ASB15: variants seen among roughly 807,000 people sequenced by gnomAD.
ASB15 encodes ankyrin repeat and SOCS box containing 15, also known as ankyrin repeat and SOCS box protein 15.
Under a neutral mutation model 58.0 loss-of-function variants are expected in ASB15, and 54 were observed. That is an observed-to-expected ratio of 0.93 (90% CI 0.75 to 1.17). The LOEUF (loss-of-function observed/expected upper bound fraction) is 1.17, where lower values mean the gene tolerates loss of function less well. Ranked by LOEUF, ASB15 falls within the 50% of genes most tolerant of loss-of-function variation. The pLI is 0.00. For missense variants in ASB15, 680 were observed against 707.4 expected (o/e 0.96, Z 0.44); for synonymous variants, 249 against 262.4 (o/e 0.95, Z 0.50).
rs761709402 is a variant in ASB15, at chr7:123,636,937, T to C, written c.1723T>C (p.Phe575Leu). Reference sequence around the variant, plus strand: ...ACCAGCTATTCAAAGATACATATTATTTAAAGAGTATGATCTCTATGGACA... The same window carrying C: ...ACCAGCTATTCAAAGATACATATTACTTAAAGAGTATGATCTCTATGGACA... ...LPPAIQRYIL[F>L]KEYDLYGQEL... The change falls in exon 12 of 12, where the codon TTT becomes CTT. Residue 575 changes from phenylalanine (F) to leucine (L), a missense_variant. Physicochemically the swap from Phe to Leu is conservative, Grantham distance 22 (BLOSUM62 0). Transcript: ENST00000451215. 40 of 1,582,658 alleles carry C rather than the reference T, an allele frequency of 2.5e-5. No individual in the cohort carries two copies. The South Asian group carries it at 4.3e-4, about 17-fold the overall frequency.
chr7:123,627,321 T>A, intron 9 of ASB15, 40 bp downstream of exon 9: 6 of 1,531,208 alleles, frequency 3.9e-6, no homozygotes, highest in Non-Finnish European at 4.5e-6. Flanking sequence ...GAGTTAAAAA[T>A]GCTAATTTGT....
intron 1 of ASB15, among the ~76,000 whole-genome samples, chr7:123,569,214 G>T (rs975852226): frequency 6.6e-6 from 1 of 152,096 alleles, no homozygotes; most frequent in Admixed American, 6.5e-5. Flanking sequence ...AGAGACAGAC[G>T]TAAATGGCAA....
intron 1 of ASB15, among the ~76,000 whole-genome samples, chr7:123,584,050 T>C (rs1799308334): frequency 6.6e-6 from 1 of 151,944 alleles, no homozygotes; most frequent in African/African-American, 2.4e-5. Context: ...TATATGTGCA[T>C]GTACTGCTTT....
chr7:123,570,746 C>T (rs920728139), intron 1 of ASB15, among the ~76,000 whole-genome samples: 1 of 152,206 alleles, frequency 6.6e-6, no homozygotes, highest in Non-Finnish European at 1.5e-5. Flanking sequence ...CTGTTCCTAA[C>T]TTGGGTCAAG....
chr7:123,613,424 T>G (rs1017181917), intron 3 of ASB15, among the ~76,000 whole-genome samples: 1 of 152,228 alleles, frequency 6.6e-6, no homozygotes, highest in Admixed American at 6.5e-5. Context: ...GAAATTTTAT[T>G]TCTATATTTA....
At chr7:123,620,084 AC>A (rs1801138125) in intron 7 of ASB15, 1 of 152,084 alleles carries the variant, frequency 6.6e-6, no homozygotes, top group African/African-American at 2.4e-5. Flanking sequence ...GTTGCTCCCA[AC>A]GTCGCCATTT....
Position 123,628,983 on chromosome 7 carries a change from A to G in ASB15, c.989A>G (p.Asn330Ser). 2 of 1,613,340 alleles carry G rather than the reference A, an allele frequency of 1.2e-6. No individual in the cohort carries two copies. Among genetic ancestry groups the G allele is most frequent in the Non-Finnish European group, 1.7e-6 (2 of 1,179,276 alleles). Reference sequence around the variant, plus strand: ...CAGTGTCTAGAACTGCTCATTGAAAATGGTTTTGATGTCAACACTCTACTT... The same window carrying G: ...CAGTGTCTAGAACTGCTCATTGAAAGTGGTTTTGATGTCAACACTCTACTT... ...NAQCLELLIE[N>S]GFDVNTLLAD... Residue 330 changes from asparagine (N) to serine (S), a missense_variant, in exon 10 of 12, where the codon AAT (asparagine) becomes AGT (serine). Physicochemically the swap from Asn to Ser is conservative, Grantham distance 46 (BLOSUM62 1). Coordinates refer to ENST00000451215, the MANE Select transcript of ASB15 (RefSeq NM_001290258.2).
chr7:123,582,666 CCTT>C (rs1433037432), intron 1 of ASB15, among the ~76,000 whole-genome samples: 4 of 151,868 alleles, frequency 2.6e-5, no homozygotes, highest in African/African-American at 9.7e-5. Flanking sequence ...CTCGAAAACT[CCTT>C]CTTATCCTTC....
chr7:123,628,506 G>C (rs970030671), intron 9 of ASB15, among the ~76,000 whole-genome samples: 2 of 152,120 alleles, frequency 1.3e-5, no homozygotes, highest in East Asian at 1.9e-4. Context: ...CATTAGAAAG[G>C]CTTACTTTTC....
chr7:123,622,678 T>C (rs193162033), intron 7 of ASB15: 5 of 152,300 alleles, frequency 3.3e-5, no homozygotes, highest in East Asian at 3.9e-4. Context: ...TTTCTAATTA[T>C]AAAAACTGCC....
intron 1 of ASB15, chr7:123,596,466 G>A (rs1799697400): frequency 6.6e-6 from 1 of 152,006 alleles, no homozygotes; most frequent in Admixed American, 6.6e-5. Flanking sequence ...AAAAAAATTA[G>A]CCAGATGTGG....
At chr7:123,603,770 G>C (rs1168491148) in intron 1 of ASB15, among the ~76,000 whole-genome samples, 2 of 152,106 alleles carry the variant, frequency 1.3e-5, no homozygotes, top group Non-Finnish European at 2.9e-5. Flanking sequence ...AGTCCAATAG[G>C]GTCCTGCATA....
intron 2 of ASB15, among the ~76,000 whole-genome samples, chr7:123,605,399 T>C (rs1186445564): frequency 6.6e-6 from 1 of 152,184 alleles, no homozygotes; most frequent in Admixed American, 6.5e-5. Flanking sequence ...CTGGTGGGAA[T>C]GTAACTTAGT....
chr7:123,610,284 A>G (rs1235746487), intron 3 of ASB15, among the ~76,000 whole-genome samples: 1 of 152,200 alleles, frequency 6.6e-6, no homozygotes, highest in African/African-American at 2.4e-5. Flanking sequence ...TTGAATCTAT[A>G]ATACCTACAA....
upstream of ASB15, among the ~76,000 whole-genome samples, chr7:123,601,425 T>C (rs1015714661): frequency 2.0e-5 from 3 of 152,198 alleles, no homozygotes; most frequent in Non-Finnish European, 4.4e-5. Flanking sequence ...GAAGATTGTA[T>C]TTAATGAAAT....
chr7:123,587,370 T>A (rs145033907), intron 1 of ASB15, among the ~76,000 whole-genome samples: 175 of 151,880 alleles, frequency 1.2e-3, no homozygotes, highest in African/African-American at 4.0e-3. Flanking sequence ...ATAGAAATAC[T>A]ACTAATTTCT....
intron 9 of ASB15, among the ~76,000 whole-genome samples, chr7:123,627,492 C>T (rs538784541): frequency 1.3e-5 from 2 of 152,000 alleles, no homozygotes; most frequent in African/African-American, 4.8e-5. Flanking sequence ...ATTTATAGTA[C>T]TTTTATAATG....
chr7:123,608,091 A>G (rs1023078043), intron 2 of ASB15, among the ~76,000 whole-genome samples: 1 of 151,726 alleles, frequency 6.6e-6, no homozygotes, highest in Non-Finnish European at 1.5e-5. Flanking sequence ...TTTTTTCTCT[A>G]TTTTTTCTTG....
At chr7:123,614,907 T>C (rs1185299231) in intron 4 of ASB15, among the ~76,000 whole-genome samples, 3 of 152,130 alleles carry the variant, frequency 2.0e-5, no homozygotes, top group African/African-American at 7.2e-5. Context: ...GGGCAATGAG[T>C]AATTTGAACA....
Sources: allele counts gnomAD v4.1 joint callset (sites outside exome capture counted in the v4.1 genomes callset), GRCh38; gene constraint gnomAD v4.1.1; transcripts MANE v1.5; gene names NCBI Gene and HGNC (gene_info 2026-07-23, HGNC 2026-07-21).